The following ZNF618 variants were observed in gnomAD, a reference collection of about 807,000 sequenced individuals.
The protein encoded by ZNF618 is neural precursor cell expressed, developmentally down-regulated 10.
A neutral mutation model predicts 103.0 loss-of-function variants in ZNF618; 34 were observed. That is an observed-to-expected ratio of 0.33 (90% CI 0.25 to 0.44). The LOEUF (loss-of-function observed/expected upper bound fraction) is 0.44, where lower values mean the gene tolerates loss of function less well. ZNF618 is among the 20% of genes least tolerant of loss of function. The pLI, the probability that ZNF618 is intolerant of heterozygous loss-of-function variation, is 1.00. For missense variants in ZNF618, 1,059 were observed against 1,295.4 expected, an observed-to-expected ratio of 0.82 and a Z score of 2.80; for synonymous variants, 551 against 542.2, an observed-to-expected ratio of 1.02 and a Z score of -0.23.
intron 10 of ZNF618, among the ~76,000 whole-genome samples, chr9:114,024,714 A>C: frequency 6.6e-6 from 1 of 151,494 alleles, no homozygotes; most frequent in African/African-American, 2.4e-5. Flanking sequence ...TTGAATCTTC[A>C]CTCACTACAC....
chr9:113,936,164 C>T (rs1016716293), intron 1 of ZNF618, among the ~76,000 whole-genome samples: 5 of 152,160 alleles, frequency 3.3e-5, no homozygotes, highest in African/African-American at 1.2e-4. Flanking sequence ...AAGCCAAAGG[C>T]AGTGCAGCTT....
intron 2 of ZNF618, among the ~76,000 whole-genome samples, chr9:113,987,259 G>A (rs1839570835): frequency 6.6e-6 from 1 of 152,198 alleles, no homozygotes; most frequent in South Asian, 2.1e-4. Flanking sequence ...TGTGTTGAAA[G>A]GAGGATGCTT....
chr9:113,961,781 C>T (rs1836861581), intron 1 of ZNF618, among the ~76,000 whole-genome samples: 1 of 152,138 alleles, frequency 6.6e-6, no homozygotes, highest in Non-Finnish European at 1.5e-5. Flanking sequence ...CAGCATTGGC[C>T]CTGGCACTTT....
intron 6 of ZNF618, among the ~76,000 whole-genome samples, chr9:114,005,362 C>T (rs1841642928): frequency 6.6e-6 from 1 of 152,228 alleles, no homozygotes; most frequent in Non-Finnish European, 1.5e-5. Flanking sequence ...TTGGCCTAAT[C>T]ATTTCCTGAC....
intron 13 of ZNF618, among the ~76,000 whole-genome samples, chr9:114,040,966 A>G (rs1439473331): frequency 1.3e-5 from 2 of 152,026 alleles, no homozygotes; most frequent in African/African-American, 2.4e-5. Context: ...AAGTGTTCCT[A>G]TTTCTCCACA....
chr9:114,040,500 GC>G (rs1845056599), intron 13 of ZNF618, among the ~76,000 whole-genome samples: 1 of 151,906 alleles, frequency 6.6e-6, no homozygotes, highest in South Asian at 2.1e-4. Context: ...CCCACAACCG[GC>G]CCCGGTGTGT....
In ZNF618 at chr9:113,917,776, A is replaced by G. The variant is rs993015118; in HGVS notation, c.33+41363A>G. On this transcript the variant is annotated intron_variant, in intron 1 of 14. Transcript: ENST00000374126. ...ATTTTTTAAAAAACTTTGATTTCGA[A>G]AGATTTCAGACTCATAAAAACCTCT... Among the ~76,000 whole-genome samples the G allele has an allele frequency of 1.3e-5, 2 of 152,154 alleles. 1 individual carries two copies. The highest frequency in any genetic ancestry group is 4.1e-4 in the South Asian group (2 of 4,826).
chr9:114,016,762 T>C lies in ZNF618; in HGVS notation c.822T>C (p.His274=), dbSNP rs755158670. The change falls in exon 10 of 15, where the codon CAT becomes CAC. Residue 274 remains histidine, a synonymous_variant. Coordinates refer to ENST00000374126, the MANE Select transcript of ZNF618 (RefSeq NM_001318042.2). The stretch of plus-strand genomic sequence containing the variant: ...AGTACTACACTCCCTACCAGGAGCA[T>C]GTGGCCTTACACGCCCCCATCAGTG... ...QYKYYTPYQE[H]VALHAPISTA... is the part of the protein sequence containing the mutation. The C allele has an allele frequency of 4.3e-6, 7 of 1,613,418 alleles. No homozygotes were observed. The African/African-American group carries it at 6.7e-5, about 15-fold the overall frequency.
At chr9:114,042,568 C>T (rs1015417319) in intron 13 of ZNF618, among the ~76,000 whole-genome samples, 1 of 152,150 alleles carries the variant, frequency 6.6e-6, no homozygotes, top group Non-Finnish European at 1.5e-5. Flanking sequence ...GTGGTTCACA[C>T]CTGTAATCCC....
intron 1 of ZNF618, among the ~76,000 whole-genome samples, chr9:113,900,643 C>G (rs1830441541): frequency 6.7e-6 from 1 of 150,196 alleles, no homozygotes; most frequent in Non-Finnish European, 1.5e-5. Flanking sequence ...CCCGCGAACC[C>G]GAGCTCCCGT....
rs892330194 is a variant in ZNF618 at position 113,886,607 on chromosome 9, A to G, written c.33+10194A>G. 2.2e-4 allele frequency among the ~76,000 whole-genome samples: 33 copies of G among 152,288 alleles called. 3 individuals are homozygous for G. The highest frequency in any genetic ancestry group is 1.6e-3 in the Admixed American group (25 of 15,304). Reference sequence around the variant, plus strand: ...CAGAAAGTGAAACTGATCTGAAATAAAACTGAAACTAGTCTGAAATGAGAC... The same window carrying G: ...CAGAAAGTGAAACTGATCTGAAATAGAACTGAAACTAGTCTGAAATGAGAC... On this transcript the variant is annotated intron_variant, in intron 1 of 14. Coordinates refer to ENST00000374126, the MANE Select transcript of ZNF618 (RefSeq NM_001318042.2).
intron 1 of ZNF618, among the ~76,000 whole-genome samples, chr9:113,926,989 G>A (rs938509189): frequency 6.6e-6 from 1 of 152,072 alleles, no homozygotes; most frequent in African/African-American, 2.4e-5. Flanking sequence ...CTCCAGCCTG[G>A]GCAACAGAAT....
intron 1 of ZNF618, among the ~76,000 whole-genome samples, chr9:113,879,717 C>T (rs1280639601): frequency 1.3e-5 from 2 of 150,050 alleles, no homozygotes; most frequent in Non-Finnish European, 3.0e-5. Context: ...GGCGAAAGAT[C>T]GTTTATATTC....
At chr9:114,017,327 C>T (rs1842729667) in intron 10 of ZNF618, among the ~76,000 whole-genome samples, 4 of 152,200 alleles carry the variant, frequency 2.6e-5, no homozygotes, top group African/African-American at 9.6e-5. Context: ...CTGCTTGTGA[C>T]CTGGGGCAGG....
At chr9:114,036,274 C>T (rs543053727) in intron 12 of ZNF618, 26 bp from the exon 13 acceptor site, 10 of 1,555,800 alleles carry the variant, frequency 6.4e-6, no homozygotes, top group Middle Eastern at 1.7e-4. Context: ...CCACCCCTCA[C>T]GTGGCTGCCG....
Position 114,048,846 on chromosome 9 carries a change from T to C in ZNF618, c.1544T>C (p.Leu515Pro), listed in dbSNP as rs1159591058. The C allele has an allele frequency of 5.6e-6, 9 of 1,610,120 alleles. No homozygotes were observed. Among genetic ancestry groups the C allele is most frequent in the South Asian group, 2.2e-5 (2 of 90,512 alleles). ...GGGGCCTTCTCGGTCACTGAAATCC[T>C]GGGCAACTTCAACACGCTGGCGCTG... ...RYGAFSVTEI[L>P]GNFNTLALKH... Residue 515 changes from leucine (L) to proline (P), a missense_variant, in exon 15 of 15, where the codon CTG becomes CCG. This residue lies in a region of ZNF618 where 434 missense variants were observed against 476.0 expected (regional missense o/e 0.91). Transcript: ENST00000374126.
chr9:114,028,847 C>T lies in ZNF618; in HGVS notation c.959C>T (p.Ser320Leu), dbSNP rs553956562. 1.2e-5 allele frequency: 19 copies of T among 1,550,572 alleles called. No individual in the cohort carries two copies. Among genetic ancestry groups the T allele is most frequent in the African/African-American group, 2.7e-5 (2 of 73,160 alleles). The part of the protein sequence containing the change: ...FVAAKTQTNQ[S>L]GKKAPASVVR... ...GCAGCGAAGACCCAGACGAACCAGT[C>T]GGGGAAAAAAGCTCCGGCCTCCGTG... Residue 320 changes from serine (S) to leucine (L), a missense_variant, in exon 11 of 15, where the codon TCG becomes TTG. Coordinates refer to ENST00000374126, the MANE Select transcript of ZNF618 (RefSeq NM_001318042.2).
At chr9:114,032,232 C>T (rs991677208) in intron 11 of ZNF618, among the ~76,000 whole-genome samples, 2 of 152,240 alleles carry the variant, frequency 1.3e-5, no homozygotes, top group African/African-American at 4.8e-5. Flanking sequence ...ATGCTGTCAT[C>T]ATCTATGCAC....
chr9:114,009,814 G>GTGGGTTCCC (rs1166823059), intron 9 of ZNF618, among the ~76,000 whole-genome samples: 1 of 152,158 alleles, frequency 6.6e-6, no homozygotes, highest in Non-Finnish European at 1.5e-5. Flanking sequence ...AAGGGGTTGG[G>GTGGGTTCCC]TGGGTTCCCT....
Sources: allele counts gnomAD v4.1 joint callset (sites outside exome capture counted in the v4.1 genomes callset), GRCh38; gene constraint gnomAD v4.1.1; regional missense constraint gnomAD v4.1.1; transcripts MANE v1.5; gene names NCBI Gene and HGNC (gene_info 2026-07-23, HGNC 2026-07-21).